CLIP2: variants seen among roughly 807,000 people sequenced by gnomAD.
The protein encoded by CLIP2 is CAP-Gly domain-containing linker protein 2.
CLIP2 carries 41 observed loss-of-function variants against 111.7 expected under a neutral mutation model. The ratio of observed to expected loss-of-function variants is 0.37; its 90% CI spans 0.29 to 0.48. The LOEUF is 0.48. CLIP2 is among the 20% of genes least tolerant of loss of function. The probability of loss-of-function intolerance (pLI) is 0.99; values close to 1 mark genes in which losing one functional copy is unlikely to be tolerated. For missense variants in CLIP2, 1,160 were observed against 1,422.1 expected (o/e 0.82, Z 2.96); for synonymous variants, 660 against 644.2 (o/e 1.02, Z -0.37).
intron 3 of CLIP2, among the ~76,000 whole-genome samples, chr7:74,340,165 T>G (rs1554305111): frequency 6.6e-6 from 1 of 151,826 alleles, no homozygotes; most frequent in African/African-American, 2.4e-5. Flanking sequence ...GGAGGCCAAG[T>G]CGGGCAAATC....
intron 6 of CLIP2, among the ~76,000 whole-genome samples, chr7:74,357,681 A>G (rs1184209010): frequency 6.6e-6 from 1 of 152,136 alleles, no homozygotes; most frequent in African/African-American, 2.4e-5. Flanking sequence ...ATAAGGATAC[A>G]TACACCTACT....
intron 2 of CLIP2, among the ~76,000 whole-genome samples, chr7:74,327,728 T>G (rs1216423284): frequency 6.6e-6 from 1 of 151,360 alleles, no homozygotes. Flanking sequence ...CTGGTGGGGG[T>G]GGGGGCAGGG....
intron 8 of CLIP2, among the ~76,000 whole-genome samples, chr7:74,372,523 AG>A (rs1350517479): frequency 6.6e-6 from 1 of 151,642 alleles, no homozygotes; most frequent in Admixed American, 6.6e-5. Context: ...GAACGGGAAC[AG>A]GATGGGCCCC....
At position 74,305,855 on chromosome 7, in the gene CLIP2, A is replaced by ACCCCCCCCCC. The variant is rs1478628381; in HGVS notation, c.-67-11616_-67-11615insCCCCCCCCCC. Among the ~76,000 whole-genome samples, 97 of 52,244 alleles carry ACCCCCCCCCC rather than the reference A, an allele frequency of 1.9e-3. 1 individual carries two copies. Among genetic ancestry groups the ACCCCCCCCCC allele is most frequent in the African/African-American group, 3.8e-3 (27 of 7,128 alleles). The allele number at this position is 52,244 out of a possible 152,430, so 34.3% of individuals were successfully genotyped here. On this transcript the variant is annotated intron_variant, in intron 1 of 16. Coordinates refer to ENST00000223398, the MANE Select transcript of CLIP2 (RefSeq NM_003388.5). ...AGCTGGCTTCTCTCCCTGCACCCCA[A>ACCCCCCCCCC]CCCCCCCCCACCGCCCCTGCTGCCA... is the stretch of plus-strand genomic sequence containing the variant.
chr7:74,364,992 GTTGTGTGTGTGTGTGTGTGTGT>G, intron 8 of CLIP2: 1 of 307,684 alleles, frequency 3.3e-6, no homozygotes, highest in Non-Finnish European at 6.4e-6. Flanking sequence ...CCTGTTTTTT[GTTGTGTGTGTGTGTGTGTGTGT>G]GTGTGTGTGT....
intron 16 of CLIP2, among the ~76,000 whole-genome samples, chr7:74,403,623 T>C (rs1400454379): frequency 1.3e-5 from 2 of 152,096 alleles, no homozygotes; most frequent in Non-Finnish European, 2.9e-5. Flanking sequence ...TCGGCTCCGC[T>C]TCCCATCAGC....
intron 8 of CLIP2, among the ~76,000 whole-genome samples, chr7:74,365,059 C>CA (rs1189021587): frequency 1.5e-5 from 2 of 136,592 alleles, no homozygotes; most frequent in Non-Finnish European, 3.1e-5. Context: ...GTGACTGTCT[C>CA]AAAAAAAAGA....
At chr7:74,335,533 T>C (rs1373264357) in intron 2 of CLIP2, among the ~76,000 whole-genome samples, 2 of 149,482 alleles carry the variant, frequency 1.3e-5, no homozygotes, top group African/African-American at 2.5e-5. Flanking sequence ...GAGATGGGGG[T>C]CTTGCTATGT....
intron 2 of CLIP2, among the ~76,000 whole-genome samples, chr7:74,333,341 G>A (rs1018407695): frequency 6.6e-6 from 1 of 151,808 alleles, no homozygotes; most frequent in African/African-American, 2.4e-5. Flanking sequence ...CTGCCACCAC[G>A]CCCAGCTAAT....
intron 13 of CLIP2, among the ~76,000 whole-genome samples, chr7:74,394,565 AACCCGAGTTAAAGGAATCTCTTTG>A (rs1237623760): frequency 6.6e-6 from 1 of 152,106 alleles, no homozygotes; most frequent in African/African-American, 2.4e-5. Flanking sequence ...TTTGCATTTC[AACCCGAGTTAAAGGAATCTCTTTG>A]AAGCACAGAC....
chr7:74,386,428 C>T (rs987927789), intron 11 of CLIP2, 93 bp from the exon 12 acceptor site: 42 of 988,394 alleles, frequency 4.2e-5, no homozygotes, highest in South Asian at 1.8e-4. Flanking sequence ...AGTGTGACCC[C>T]GTCACAGAGC....
chr7:74,348,450 A>G (rs1789865606), intron 3 of CLIP2, among the ~76,000 whole-genome samples: 1 of 151,858 alleles, frequency 6.6e-6, no homozygotes, highest in East Asian at 1.9e-4. Flanking sequence ...GAGCCTAGGA[A>G]TTTGGGATCA....
chr7:74,369,903 TA>T (rs1790561213), intron 8 of CLIP2, among the ~76,000 whole-genome samples: 1 of 73,918 alleles, frequency 1.4e-5, no homozygotes, highest in Non-Finnish European at 3.1e-5. Context: ...CTCATGCCTG[TA>T]ATCCCAGCAC....
At chr7:74,380,593 G>T in intron 10 of CLIP2, 1 of 459,590 alleles carries the variant, frequency 2.2e-6, no homozygotes, top group Non-Finnish European at 3.9e-6. Context: ...GCCTTCAGCA[G>T]AGCTGGGTGC....
chr7:74,401,458 ACTGCTGC>A, intron 15 of CLIP2, 40 bp from the exon 16 acceptor site: 3 of 1,591,746 alleles, frequency 1.9e-6, no homozygotes, highest in Non-Finnish European at 2.6e-6. Flanking sequence ...AAAATCGGGA[ACTGCTGC>A]CTGGTGCACC....
At chr7:74,313,395 T>TA in intron 1 of CLIP2, among the ~76,000 whole-genome samples, 1 of 151,606 alleles carries the variant, frequency 6.6e-6, no homozygotes, top group East Asian at 1.9e-4. Flanking sequence ...CCGTCTCTAC[T>TA]AAAAAATATA....
chr7:74,332,845 T>C (rs1032962930), intron 2 of CLIP2, among the ~76,000 whole-genome samples: 5 of 152,342 alleles, frequency 3.3e-5, no homozygotes, highest in South Asian at 2.1e-4. Flanking sequence ...GGGCCCCGTT[T>C]GGCCATGCCT....
intron 1 of CLIP2, among the ~76,000 whole-genome samples, chr7:74,293,562 A>T (rs1449912451): frequency 3.3e-5 from 5 of 152,148 alleles, no homozygotes; most frequent in African/African-American, 1.2e-4. Context: ...GGGGCAGGTC[A>T]CGTGGTCTCT....
intron 8 of CLIP2, among the ~76,000 whole-genome samples, chr7:74,367,001 G>T (rs1401451899): frequency 6.6e-6 from 1 of 151,646 alleles, no homozygotes; most frequent in East Asian, 1.9e-4. Context: ...CATCAGGCCA[G>T]TCCCTGCCTC....
Sources: gnomAD v4.1 joint callset for allele counts (sites outside exome capture counted in the v4.1 genomes callset) on GRCh38, gnomAD v4.1.1 for gene constraint, MANE v1.5 for transcripts, NCBI Gene and HGNC (gene_info 2026-07-23, HGNC 2026-07-21) for gene names.